CSMD1: variants seen among roughly 807,000 people sequenced by gnomAD.
The protein encoded by CSMD1 is CUB and sushi domain-containing protein 1.
In CSMD1, 213 loss-of-function variants were observed where a neutral mutation model predicts 417.5. The observed-to-expected ratio is 0.51, with a 90% CI of 0.46 to 0.57. The LOEUF (loss-of-function observed/expected upper bound fraction) is 0.57. Ranked by LOEUF, CSMD1 falls within the 20% of genes least tolerant of loss-of-function variation. The pLI, the probability that CSMD1 is intolerant of heterozygous loss-of-function variation, is 0.00. For synonymous variants in CSMD1, 2,862 were observed against 1,736.8 expected, an observed-to-expected ratio of 1.65 and a Z score of -16.11; for missense variants, 6,923 against 4,529.7, an observed-to-expected ratio of 1.53 and a Z score of -15.17.
intron 26 of CSMD1, among the ~76,000 whole-genome samples, chr8:3,243,793 TTATA>T (rs933103223): frequency 6.6e-6 from 1 of 150,590 alleles, no homozygotes; most frequent in Non-Finnish European, 1.5e-5. Context: ...ATATTGTCAT[TTATA>T]TATAATTATA....
intron 3 of CSMD1, among the ~76,000 whole-genome samples, chr8:4,348,443 G>C (rs956067273): frequency 1.3e-5 from 2 of 151,970 alleles, no homozygotes; most frequent in Non-Finnish European, 2.9e-5. Context: ...AGAATATTAG[G>C]CCTTTCTGAT....
chr8:4,244,149 T>C (rs1802559322), intron 3 of CSMD1, among the ~76,000 whole-genome samples: 1 of 152,194 alleles, frequency 6.6e-6, no homozygotes, highest in South Asian at 2.1e-4. Flanking sequence ...AGTAGATTTG[T>C]GCTACAGGCA....
intron 10 of CSMD1, among the ~76,000 whole-genome samples, chr8:3,552,671 C>T (rs182366388): frequency 1.6e-4 from 25 of 152,298 alleles, no homozygotes; most frequent in African/African-American, 5.1e-4. Flanking sequence ...TTCACATCAA[C>T]ATTGTTCATA....
intron 1 of CSMD1, among the ~76,000 whole-genome samples, chr8:4,645,340 G>A (rs988610562): frequency 1.4e-5 from 2 of 145,178 alleles, no homozygotes; most frequent in African/African-American, 5.1e-5. Flanking sequence ...GCAATGTAAT[G>A]TTTTCACCTA....
At chr8:3,683,473 G>C (rs935723715) in intron 7 of CSMD1, among the ~76,000 whole-genome samples, 2 of 152,112 alleles carry the variant, frequency 1.3e-5, no homozygotes, top group Non-Finnish European at 2.9e-5. Flanking sequence ...ATTTCTGGAG[G>C]GGTGTTCATA....
chr8:4,285,679 G>C (rs189466106), intron 3 of CSMD1, among the ~76,000 whole-genome samples: 101 of 152,294 alleles, frequency 6.6e-4, no homozygotes, highest in African/African-American at 2.3e-3. Flanking sequence ...AGTGGTGTAG[G>C]AAGAATGGAG....
chr8:3,883,834 T>C lies in CSMD1; in HGVS notation c.818+114069A>G, dbSNP rs561147333. Among the ~76,000 whole-genome samples the C allele has an allele frequency of 7.2e-5, 11 of 152,068 alleles. No homozygotes were observed. The South Asian group carries it at 2.1e-3, about 29-fold the overall frequency. ...AACAACTACTGATCAGAGGAATGAA[T>C]GCATTTAACAATTTTGACAGAAAAG... On this transcript the variant is annotated intron_variant, in intron 5 of 69. Coordinates refer to ENST00000635120, the MANE Select transcript of CSMD1 (RefSeq NM_033225.6).
At chr8:3,787,753 G>C (rs1160319127) in intron 5 of CSMD1, among the ~76,000 whole-genome samples, 1 of 152,198 alleles carries the variant, frequency 6.6e-6, no homozygotes, top group African/African-American at 2.4e-5. Context: ...GTATGGGGAA[G>C]TTAAGAAGTG....
At chr8:4,357,560 A>C (rs75229143) in intron 3 of CSMD1, among the ~76,000 whole-genome samples, 1 of 152,138 alleles carries the variant, frequency 6.6e-6, no homozygotes, top group African/African-American at 2.4e-5. Flanking sequence ...GAAAAAAAAA[A>C]TCTGTCATTC....
intron 1 of CSMD1, among the ~76,000 whole-genome samples, chr8:4,771,921 C>G (rs943939178): frequency 6.6e-6 from 1 of 152,240 alleles, no homozygotes; most frequent in African/African-American, 2.4e-5. Context: ...TCGGCTGCTA[C>G]TCTAGCCCAT....
intron 3 of CSMD1, among the ~76,000 whole-genome samples, chr8:4,373,983 G>A (rs937608712): frequency 6.6e-6 from 1 of 152,104 alleles, no homozygotes; most frequent in African/African-American, 2.4e-5. Flanking sequence ...ACCATTAACG[G>A]AAAAGCCAGT....
intron 3 of CSMD1, among the ~76,000 whole-genome samples, chr8:4,159,848 T>G (rs1797048632): frequency 1.3e-5 from 2 of 152,020 alleles, no homozygotes; most frequent in South Asian, 4.1e-4. Context: ...AATGGAAAAC[T>G]AAAGACCGTA....
chr8:3,686,794 G>A (rs188835326), intron 7 of CSMD1, among the ~76,000 whole-genome samples: 5 of 152,130 alleles, frequency 3.3e-5, no homozygotes, highest in Non-Finnish European at 5.9e-5. Flanking sequence ...TGTTTCTTTG[G>A]ATCTTCATTT....
At chr8:3,295,224 A>G (rs1213677410) in intron 25 of CSMD1, among the ~76,000 whole-genome samples, 1 of 152,038 alleles carries the variant, frequency 6.6e-6, no homozygotes, top group Non-Finnish European at 1.5e-5. Flanking sequence ...ACCCGGGTTC[A>G]TGCCATTCTC....
intron 1 of CSMD1, among the ~76,000 whole-genome samples, chr8:4,784,890 G>A (rs1049932704): frequency 1.3e-5 from 2 of 152,170 alleles, no homozygotes; most frequent in African/African-American, 4.8e-5. Flanking sequence ...CAGCCCTTGA[G>A]CGAATCTCAT....
At position 4,217,735 on chromosome 8, in the gene CSMD1, C is replaced by T. The variant is rs117992406; in HGVS notation, c.416-185636G>A. Among the ~76,000 whole-genome samples the T allele has an allele frequency of 5.9e-5, 9 of 152,058 alleles. No homozygotes were observed. In the East Asian group the frequency reaches 1.2e-3, roughly 20 times the overall value. Reference sequence around the variant, plus strand: ...GAAATACAACTGTATGACTTCTATACTCTACGGTGTTATAGGATACTGGAA... The same window carrying T: ...GAAATACAACTGTATGACTTCTATATTCTACGGTGTTATAGGATACTGGAA... On this transcript the variant is annotated intron_variant, in intron 3 of 69. Coordinates refer to ENST00000635120, the MANE Select transcript of CSMD1 (RefSeq NM_033225.6).
intron 10 of CSMD1, among the ~76,000 whole-genome samples, chr8:3,559,132 G>C (rs1799356908): frequency 1.3e-5 from 2 of 152,202 alleles, no homozygotes; most frequent in African/African-American, 2.4e-5. Flanking sequence ...TTGAAATACA[G>C]GTGTGTGTAC....
intron 1 of CSMD1, among the ~76,000 whole-genome samples, chr8:4,650,758 T>C (rs1342053302): frequency 6.6e-6 from 1 of 152,226 alleles, no homozygotes; most frequent in African/African-American, 2.4e-5. Flanking sequence ...TTTTGCCTAT[T>C]TAAGCATGGT....
At chr8:3,991,903 G>C (rs1585093514) in intron 5 of CSMD1, among the ~76,000 whole-genome samples, 1 of 152,060 alleles carries the variant, frequency 6.6e-6, no homozygotes, top group South Asian at 2.1e-4. Flanking sequence ...GTATCTCCAA[G>C]TAGCAGTAGC....
Sources: gnomAD v4.1 joint callset for allele counts (sites outside exome capture counted in the v4.1 genomes callset) on GRCh38, gnomAD v4.1.1 for gene constraint, MANE v1.5 for transcripts, NCBI Gene and HGNC (gene_info 2026-07-23, HGNC 2026-07-21) for gene names.